Variants in CNN3 observed in about 807,000 individuals in gnomAD.
CNN3 encodes calponin-3.
CNN3 carries 11 observed loss-of-function variants against 39.0 expected under a neutral mutation model. That is an observed-to-expected ratio of 0.28 (90% CI 0.18 to 0.47). The LOEUF is 0.47. Among genes scored for constraint, CNN3 ranks in the 20% least tolerant of loss-of-function variants. The pLI, the probability that CNN3 is intolerant of heterozygous loss-of-function variation, is 0.99. For synonymous variants in CNN3, 101 were observed against 138.3 expected, an observed-to-expected ratio of 0.73 and a Z score of 1.89; for missense variants, 266 against 403.4, an observed-to-expected ratio of 0.66 and a Z score of 2.92.
Position 94,900,223 on chromosome 1 carries a change from G to GAAAAT in CNN3, c.502-711_502-707dup, listed in dbSNP as rs571284044. Reference sequence around the variant, plus strand: ...TTTTTTCTTTAAAAATAAGATTAAAGAAAATCTTTATTACTAATATAAAAT... The same window carrying GAAAAT: ...TTTTTTCTTTAAAAATAAGATTAAAGAAAATAAAATCTTTATTACTAATATAAAAT... On this transcript the variant is annotated intron_variant, in intron 5 of 6. Coordinates refer to ENST00000370206, the MANE Select transcript of CNN3 (RefSeq NM_001839.5). 2.6e-3 allele frequency among the ~76,000 whole-genome samples: 402 copies of GAAAAT among 152,068 alleles called. 1 individual carries two copies. The highest frequency in any genetic ancestry group is 8.7e-3 in the African/African-American group (361 of 41,486).
chr1:94,910,360 T>C (rs1671127707), intron 1 of CNN3, among the ~76,000 whole-genome samples: 1 of 152,088 alleles, frequency 6.6e-6, no homozygotes, highest in Non-Finnish European at 1.5e-5. Flanking sequence ...TTAAATACGG[T>C]GTATTAAAGA....
At chr1:94,924,006 C>T (rs1178761563) in intron 1 of CNN3, among the ~76,000 whole-genome samples, 1 of 152,166 alleles carries the variant, frequency 6.6e-6, no homozygotes, top group East Asian at 1.9e-4. Flanking sequence ...CCCAGGTCCA[C>T]TCCACACTGT....
intron 1 of CNN3, chr1:94,925,628 AT>A: frequency 1.0e-6 from 1 of 985,442 alleles, no homozygotes; most frequent in Non-Finnish European, 1.2e-6. Context: ...GGTGCGCTTC[AT>A]TACCTCTTTA....
intron 1 of CNN3, among the ~76,000 whole-genome samples, chr1:94,923,544 TA>T (rs933553359): frequency 6.6e-6 from 1 of 151,926 alleles, no homozygotes. Context: ...TCTTGCCTAT[TA>T]AAAAAAGTAA....
Position 94,914,792 on chromosome 1 carries a change from G to A in CNN3, c.58-11268C>T, listed in dbSNP as rs1419841704. 2.6e-5 allele frequency among the ~76,000 whole-genome samples: 4 copies of A among 152,192 alleles called. No homozygotes were observed. The South Asian group carries it at 6.2e-4, about 24-fold the overall frequency. On this transcript the variant is annotated intron_variant, in intron 1 of 6. Transcript: ENST00000370206. ...GGATAGATGCTGATGGAATCTTACA[G>A]ATATGTTAACTGTGCAAAAGAGCAC... is the stretch of plus-strand genomic sequence containing the variant.
At chr1:94,907,839 A>G (rs565322064) in intron 1 of CNN3, among the ~76,000 whole-genome samples, 81 of 152,362 alleles carry the variant, frequency 5.3e-4, no homozygotes, top group East Asian at 2.1e-3. Flanking sequence ...CAGCCTGGGC[A>G]ACAGAGCAAG....
chr1:94,899,589 C>T (rs1670812613), intron 5 of CNN3, 72 bp from the exon 6 acceptor site: 1 of 1,498,602 alleles, frequency 6.7e-7, no homozygotes, highest in South Asian at 1.3e-5. Context: ...CAAAACTTTC[C>T]ATGCTACCAA....
At chr1:94,924,359 G>T (rs1240793796) in intron 1 of CNN3, 2 of 152,330 alleles carry the variant, frequency 1.3e-5, no homozygotes, top group Non-Finnish European at 2.9e-5. Flanking sequence ...CATGGCTCAC[G>T]CCTGTAATCC....
intron 5 of CNN3, among the ~76,000 whole-genome samples, chr1:94,900,787 G>A (rs1670842815): frequency 6.6e-6 from 1 of 152,188 alleles, no homozygotes; most frequent in Admixed American, 6.5e-5. Context: ...TCTGAACTAC[G>A]TATTTCAGAA....
rs146176849 is a variant in CNN3 at position 94,924,672 on chromosome 1, G to A, written c.57+2166C>T. On this transcript the variant is annotated intron_variant, in intron 1 of 6. Coordinates refer to ENST00000370206, the MANE Select transcript of CNN3 (RefSeq NM_001839.5). Reference sequence around the variant, plus strand: ...GGGAAGGCGACAGACAGCAGAGTTTGTGTAGAACATCCCTAAGTACTTCAC... The same window carrying A: ...GGGAAGGCGACAGACAGCAGAGTTTATGTAGAACATCCCTAAGTACTTCAC... 1.2e-4 allele frequency among the ~76,000 whole-genome samples: 18 copies of A among 152,324 alleles called. No individual in the cohort carries two copies. The East Asian group carries it at 3.3e-3, about 28-fold the overall frequency.
chr1:94,911,998 G>A (rs1046203911), intron 1 of CNN3, among the ~76,000 whole-genome samples: 95 of 152,072 alleles, frequency 6.2e-4, no homozygotes, highest in African/African-American at 2.1e-3. Context: ...CCTGGGAGGC[G>A]GAGGTTGCAG....
At chr1:94,900,492 A>G (rs1163070344) in intron 5 of CNN3, among the ~76,000 whole-genome samples, 1 of 152,058 alleles carries the variant, frequency 6.6e-6, no homozygotes, top group Non-Finnish European at 1.5e-5. Context: ...TTCCCCCATA[A>G]CCTATCTTTT....
chr1:94,903,664 C>G lies in CNN3; in HGVS notation c.58-140G>C, dbSNP rs1224534704. The G allele has an allele frequency of 3.6e-6, 4 of 1,098,844 alleles. No individual in the cohort carries two copies. In the African/African-American group the frequency reaches 6.5e-5, roughly 18 times the overall value. The allele number at this position is 1,098,844 out of a possible 1,614,324, so 68.1% of individuals were successfully genotyped here. A position where few individuals can be genotyped will look rare whatever the true frequency, so the allele number is the denominator to read the frequency against. On this transcript the variant is annotated intron_variant, in intron 1 of 6. Coordinates refer to ENST00000370206, the MANE Select transcript of CNN3 (RefSeq NM_001839.5). ...AATGACACTCAATAGATCTCAATGG[C>G]AAACTTAACCGTTACAACTTCAGTA... is the stretch of plus-strand genomic sequence containing the variant.
intron 1 of CNN3, among the ~76,000 whole-genome samples, chr1:94,905,526 A>G (rs1316166877): frequency 6.6e-6 from 1 of 152,210 alleles, no homozygotes; most frequent in Non-Finnish European, 1.5e-5. Flanking sequence ...TTACTGTGGC[A>G]TTAGGGAGAT....
At chr1:94,915,865 CA>C (rs933526789) in intron 1 of CNN3, among the ~76,000 whole-genome samples, 92 of 152,302 alleles carry the variant, frequency 6.0e-4, no homozygotes, top group African/African-American at 2.1e-3. Flanking sequence ...ACCCCTATTT[CA>C]GATGAAAAGA....
rs543371157 is a variant in CNN3 at position 94,906,529 on chromosome 1, G to A, written c.58-3005C>T. ...GGAGATATATTTTGATCAATCTGAA[G>A]AAAAACATAATATGCTAGGGTGAGA... On this transcript the variant is annotated intron_variant, in intron 1 of 6. Coordinates refer to ENST00000370206, the MANE Select transcript of CNN3 (RefSeq NM_001839.5). 5.1e-3 allele frequency among the ~76,000 whole-genome samples: 778 copies of A among 152,182 alleles called. 2 individuals are homozygous for A. The highest frequency in any genetic ancestry group is 7.6e-3 in the Non-Finnish European group (519 of 67,998).
At chr1:94,922,008 C>G (rs888311267) in intron 1 of CNN3, among the ~76,000 whole-genome samples, 4 of 152,158 alleles carry the variant, frequency 2.6e-5, no homozygotes, top group African/African-American at 9.7e-5. Context: ...CTCTACCATT[C>G]CTAACTTGGA....
chr1:94,919,172 T>C (rs1671377209), intron 1 of CNN3, among the ~76,000 whole-genome samples: 1 of 151,996 alleles, frequency 6.6e-6, no homozygotes, highest in Admixed American at 6.6e-5. Flanking sequence ...AAATACAACA[T>C]CCAATTCTTT....
At chr1:94,903,650 A>G (rs1670925493) in intron 1 of CNN3, 126 bp from the exon 2 acceptor site, 1 of 1,247,624 alleles carries the variant, frequency 8.0e-7, no homozygotes. Context: ...ATGACACTCA[A>G]TAGATCTCAA....
Sources: gnomAD v4.1 joint callset for allele counts (sites outside exome capture counted in the v4.1 genomes callset) on GRCh38, gnomAD v4.1.1 for gene constraint, MANE v1.5 for transcripts, NCBI Gene and HGNC (gene_info 2026-07-23, HGNC 2026-07-21) for gene names.